The following EPB41L3 variants were observed in gnomAD, a reference collection of about 807,000 sequenced individuals.
EPB41L3 encodes band 4.1-like protein 3.
Under a neutral mutation model 127.1 loss-of-function variants are expected in EPB41L3, and 57 were observed. That is an observed-to-expected ratio of 0.45 (90% CI 0.36 to 0.56). The LOEUF is 0.56. Among genes scored for constraint, EPB41L3 ranks in the 20% least tolerant of loss-of-function variants. The pLI is 0.00. For missense variants in EPB41L3, 1,273 were observed against 1,372.2 expected, an observed-to-expected ratio of 0.93 and a Z score of 1.14; for synonymous variants, 572 against 549.5, an observed-to-expected ratio of 1.04 and a Z score of -0.57.
intron 1 of EPB41L3, among the ~76,000 whole-genome samples, chr18:5,520,135 T>C (rs1348820566): frequency 6.6e-6 from 1 of 152,134 alleles, no homozygotes; most frequent in Non-Finnish European, 1.5e-5. Context: ...AAAAGAAATA[T>C]GCTTCAAATC....
chr18:5,516,857 C>T (rs1022895168), intron 1 of EPB41L3, among the ~76,000 whole-genome samples: 4 of 152,274 alleles, frequency 2.6e-5, no homozygotes, highest in Middle Eastern at 3.4e-3. Context: ...AATTATATTC[C>T]AAAACATTAC....
chr18:5,395,678 G>A lies in EPB41L3; in HGVS notation c.3003C>T (p.Gly1001=), dbSNP rs149824211. The change falls in exon 20 of 23, where the codon GGC becomes GGT. Residue 1001 remains glycine (G), a synonymous_variant. Coordinates refer to ENST00000341928, the MANE Select transcript of EPB41L3 (RefSeq NM_012307.5). ...QVDPGTDLEP[G]VLMSAQTITS... ...TGATCGTCTGTGCACTCATCAGCAC[G>A]CCTGGCTCCAGATCTGTGCCTGGAT... The A allele has an allele frequency of 2.6e-5, 42 of 1,614,128 alleles. No individual in the cohort carries two copies. The African/African-American group carries it at 4.7e-4, about 18-fold the overall frequency.
At chr18:5,481,486 G>C (rs2088505037) in intron 2 of EPB41L3, among the ~76,000 whole-genome samples, 1 of 152,210 alleles carries the variant, frequency 6.6e-6, no homozygotes, top group Admixed American at 6.5e-5. Flanking sequence ...AAGTGAGACT[G>C]AGGTGGCCAA....
chr18:5,505,729 A>T (rs1374299888), intron 1 of EPB41L3, among the ~76,000 whole-genome samples: 38 of 46,448 alleles, frequency 8.2e-4, no homozygotes, highest in African/African-American at 2.5e-3. Flanking sequence ...CTCCACCCCT[A>T]CCATCCACAC....
intron 3 of EPB41L3, among the ~76,000 whole-genome samples, chr18:5,592,468 C>G (rs761390257): frequency 1.3e-5 from 2 of 152,210 alleles, no homozygotes; most frequent in African/African-American, 4.8e-5. Flanking sequence ...AAATAAAAGT[C>G]AGATAAACTG....
Position 5,398,118 on chromosome 18 carries a change from A to T in EPB41L3, c.2375T>A (p.Leu792His). ...ACTGAAGATTTCAGAGCCATCCATGAGCTTTTCCCCAGAAGACTGCTTAGT... is the reference window on the plus strand; with the variant it reads ...ACTGAAGATTTCAGAGCCATCCATGTGCTTTTCCCCAGAAGACTGCTTAGT... ...EETKQSSGEK[L>H]MDGSEIFSLL... The change falls in exon 17 of 23, where the codon CTC becomes CAC. Residue 792 changes from leucine to histidine, a missense_variant. Physicochemically the swap from Leu to His is moderately conservative, Grantham distance 99. Coordinates refer to ENST00000341928, the MANE Select transcript of EPB41L3 (RefSeq NM_012307.5). 6.2e-6 allele frequency: 10 copies of T among 1,614,130 alleles called. No individual in the cohort carries two copies. Among genetic ancestry groups the T allele is most frequent in the Non-Finnish European group, 8.5e-6 (10 of 1,180,014 alleles).
At chr18:5,430,859 G>T (rs185188502) in intron 8 of EPB41L3, among the ~76,000 whole-genome samples, 2 of 152,068 alleles carry the variant, frequency 1.3e-5, no homozygotes, top group Admixed American at 6.5e-5. Context: ...CTGGGCCTGA[G>T]AAATCTTTGG....
chr18:5,628,357 A>G (rs564701722), intron 1 of EPB41L3, among the ~76,000 whole-genome samples: 1 of 152,156 alleles, frequency 6.6e-6, no homozygotes, highest in Non-Finnish European at 1.5e-5. Context: ...CGCACTTCAG[A>G]GGGAATTACG....
intron 3 of EPB41L3, chr18:5,610,350 C>T (rs1403377625): frequency 1.1e-6 from 1 of 929,946 alleles, no homozygotes. Context: ...CACCCCACTG[C>T]CAATACAGTG....
intron 5 of EPB41L3, among the ~76,000 whole-genome samples, chr18:5,438,434 A>G (rs886694259): frequency 6.6e-6 from 1 of 152,208 alleles, no homozygotes; most frequent in African/African-American, 2.4e-5. Context: ...CTTCAATCAG[A>G]TAAGTCTGGG....
At chr18:5,524,631 G>A (rs1182900451) in intron 1 of EPB41L3, among the ~76,000 whole-genome samples, 1 of 152,096 alleles carries the variant, frequency 6.6e-6, no homozygotes, top group African/African-American at 2.4e-5. Flanking sequence ...ATTCCACTTC[G>A]CTAAAACGTA....
At chr18:5,546,567 T>G (rs917189482), upstream of EPB41L3, among the ~76,000 whole-genome samples, 1 of 152,134 alleles carries the variant, frequency 6.6e-6, no homozygotes, top group Non-Finnish European at 1.5e-5. Flanking sequence ...AAAACCCTAA[T>G]TATGGTAATA....
chr18:5,400,392 C>T (rs2074306959), intron 16 of EPB41L3: 3 of 363,728 alleles, frequency 8.2e-6, no homozygotes, highest in Middle Eastern at 3.9e-4. Flanking sequence ...CTGTTTTTTA[C>T]AGCCTGAAAA....
chr18:5,624,284 G>A (rs917473024), intron 1 of EPB41L3, among the ~76,000 whole-genome samples: 7 of 152,130 alleles, frequency 4.6e-5, no homozygotes, highest in Admixed American at 6.5e-5. Flanking sequence ...TGTGAGCCAC[G>A]GTGTCTGGCC....
At position 5,608,338 on chromosome 18, in the gene EPB41L3, G is replaced by A. The variant is rs1880725; in HGVS notation, c.-306+4002C>T. Among the ~76,000 whole-genome samples, 266 of 152,032 alleles carry A rather than the reference G, an allele frequency of 1.7e-3. 3 individuals are homozygous for A. Among genetic ancestry groups the A allele is most frequent in the South Asian group, 0.011 (55 of 4,818 alleles). ...GGCATTATGCCATACAGCTAGCAACGTATACATGCAAAAAAACAAATAAGA... is the reference window on the plus strand; with the variant it reads ...GGCATTATGCCATACAGCTAGCAACATATACATGCAAAAAAACAAATAAGA... On this transcript the variant is annotated intron_variant, in intron 3 of 21. Transcript: ENST00000545076.
intron 3 of EPB41L3, among the ~76,000 whole-genome samples, chr18:5,611,074 C>T (rs1282479688): frequency 1.3e-5 from 2 of 152,188 alleles, no homozygotes; most frequent in African/African-American, 4.8e-5. Flanking sequence ...CTGTGATCCT[C>T]AGGTCCACTC....
At chr18:5,548,239 C>T (rs2093912738), upstream of EPB41L3, among the ~76,000 whole-genome samples, 1 of 152,164 alleles carries the variant, frequency 6.6e-6, no homozygotes, top group South Asian at 2.1e-4. Context: ...AAGCAACAAG[C>T]TTATTCTTCT....
At chr18:5,398,487 G>A (rs944933088) in intron 16 of EPB41L3, 4 of 409,692 alleles carry the variant, frequency 9.8e-6, no homozygotes, top group Admixed American at 4.2e-5. Flanking sequence ...TTTGCACTGC[G>A]GTATTGATTT....
rs975654382 is a variant in EPB41L3 at position 5,564,607 on chromosome 18, T to C, written c.-306+47733A>G. 2.0e-5 allele frequency among the ~76,000 whole-genome samples: 3 copies of C among 152,022 alleles called. No homozygotes were observed. The East Asian group carries it at 5.8e-4, about 29-fold the overall frequency. ...GAGGTAATGCCCTTGAACTGAGGGC[T>C]TCTCCTTCTCAGAAATCAGAAGGAA... On this transcript the variant is annotated intron_variant, in intron 3 of 21. Coordinates refer to the EPB41L3 transcript ENST00000545076.
Sources: allele counts gnomAD v4.1 joint callset (sites outside exome capture counted in the v4.1 genomes callset), GRCh38; gene constraint gnomAD v4.1.1; transcripts MANE v1.5; gene names NCBI Gene and HGNC (gene_info 2026-07-23, HGNC 2026-07-21).